The following PANK3 variants were observed in gnomAD, a reference collection of about 807,000 sequenced individuals.
PANK3 encodes the protein pantothenate kinase 3.
In PANK3, 20 loss-of-function variants were observed where a neutral mutation model predicts 39.4. The ratio of observed to expected loss-of-function variants is 0.51; its 90% CI spans 0.36 to 0.74. PANK3 has a LOEUF of 0.74. PANK3 is among the 30% of genes least tolerant of loss of function. The pLI is 0.00. For synonymous variants in PANK3, 140 were observed against 157.3 expected (o/e 0.89, Z 0.82); for missense variants, 265 against 437.0 (o/e 0.61, Z 3.51).
intron 3 of PANK3, 108 bp from the exon 4 acceptor site, chr5:168,564,173 CTA>C (rs1367794662): frequency 5.1e-6 from 5 of 988,112 alleles, no homozygotes; most frequent in East Asian, 2.8e-5. Context: ...GAAAAAAAAC[CTA>C]TGACTAATGC....
chr5:168,549,448 T>C lies in PANK3; in HGVS notation c.*8123A>G, dbSNP rs1269847803. The C allele has an allele frequency of 1.3e-5, 2 of 152,254 alleles. No individual in the cohort carries two copies. The highest frequency in any genetic ancestry group is 4.8e-5 in the African/African-American group (2 of 41,462). 9.4% of individuals were successfully genotyped at this position (152,254 alleles called of 1,614,324 possible). Reference sequence around the variant, plus strand: ...AAATAACACAAATATGGAAATGTTTTCTTGGAAAGCTGTTGGAACTGTAAG... The same window carrying C: ...AAATAACACAAATATGGAAATGTTTCCTTGGAAAGCTGTTGGAACTGTAAG... On this transcript the variant is annotated 3_prime_UTR_variant, in exon 7 of 7. Coordinates refer to ENST00000239231, the MANE Select transcript of PANK3 (RefSeq NM_024594.4).
chr5:168,573,713 T>G (rs1333812037), intron 1 of PANK3, among the ~76,000 whole-genome samples: 2 of 120,354 alleles, frequency 1.7e-5, no homozygotes, highest in Non-Finnish European at 3.2e-5. Flanking sequence ...TTCCCCTTCC[T>G]GTGTCCATGT....
chr5:168,571,824 G>A (rs1211778086), intron 1 of PANK3, among the ~76,000 whole-genome samples: 1 of 152,048 alleles, frequency 6.6e-6, no homozygotes. Context: ...GAAATAGCTC[G>A]TTCGTCTTTA....
At chr5:168,578,209 T>C (rs963203735) in intron 1 of PANK3, among the ~76,000 whole-genome samples, 1 of 152,248 alleles carries the variant, frequency 6.6e-6, no homozygotes, top group African/African-American at 2.4e-5. Context: ...TTTCCTCACC[T>C]GTGAAGTTAA....
rs1343960246 is a variant in PANK3, at chr5:168,559,101, C to A, written c.993G>T (p.Met331Ile). The A allele has an allele frequency of 6.2e-7, 1 of 1,607,206 alleles. No homozygotes were observed. Among genetic ancestry groups the A allele is most frequent in the Non-Finnish European group, 8.5e-7 (1 of 1,174,904 alleles). ...GNFLRVNTLS[M>I]KLLAYALDYW... is the part of the protein sequence containing the mutation. ...AATCCAGTGCATATGCCAAAAGTTT[C>A]ATTGAGAGGGTATTGACACGTAAAA... Residue 331 changes from methionine to isoleucine, a missense_variant, in exon 6 of 7, where the codon ATG becomes ATT. By Grantham distance (10) the Met-to-Ile change is conservative (BLOSUM62 1). Transcript: ENST00000239231.
At chr5:168,573,746 CTA>C (rs1352604393) in intron 1 of PANK3, among the ~76,000 whole-genome samples, 21 of 146,572 alleles carry the variant, frequency 1.4e-4, no homozygotes, top group Non-Finnish European at 1.5e-5. Flanking sequence ...CAATTCCCAC[CTA>C]TGAGTGAGAA....
rs1295092877 is a variant in PANK3 at position 168,553,850 on chromosome 5, CCA to C, written c.*3719_*3720del. The C allele has an allele frequency of 6.6e-6, 1 of 152,358 alleles. No homozygotes were observed. Among genetic ancestry groups the C allele is most frequent in the Non-Finnish European group, 1.5e-5 (1 of 68,188 alleles). The allele number at this position is 152,358 out of a possible 1,614,324, so 9.4% of individuals were successfully genotyped here. The stretch of plus-strand genomic sequence containing the variant: ...ACAGCATCTCTGCATTCTTGCTTTA[CCA>C]CATTTATCTCAGGCCCAAACTTAGT... On this transcript the variant is annotated 3_prime_UTR_variant, in exon 7 of 7. Transcript: ENST00000239231.
chr5:168,574,336 A>G (rs995378118), intron 1 of PANK3, among the ~76,000 whole-genome samples: 1 of 151,854 alleles, frequency 6.6e-6, no homozygotes, highest in African/African-American at 2.4e-5. Context: ...GTGTCTGTTC[A>G]TGTCCTTCGC....
At chr5:168,559,694 G>C (rs748685583) in intron 5 of PANK3, among the ~76,000 whole-genome samples, 15 of 151,572 alleles carry the variant, frequency 9.9e-5, no homozygotes, top group Non-Finnish European at 1.6e-4. Flanking sequence ...TTACTGATGT[G>C]ATTAAAAAAA....
rs900929248 is a variant in PANK3, at chr5:168,551,785, A to C, written c.*5786T>G. 1 of 152,222 alleles carries C rather than the reference A, an allele frequency of 6.6e-6. No individual in the cohort carries two copies. The highest frequency in any genetic ancestry group is 1.5e-5 in the Non-Finnish European group (1 of 68,054). 9.4% of individuals were successfully genotyped at this position (152,222 alleles called of 1,614,324 possible). ...TCAAAGGTAAAAGAAAAAAAACCTCAGAAATTTTTATAGAGTCTAATATTT... is the reference window on the plus strand; with the variant it reads ...TCAAAGGTAAAAGAAAAAAAACCTCCGAAATTTTTATAGAGTCTAATATTT... On this transcript the variant is annotated 3_prime_UTR_variant, in exon 7 of 7. Coordinates refer to ENST00000239231, the MANE Select transcript of PANK3 (RefSeq NM_024594.4).
chr5:168,567,049 A>G (rs184433779), intron 2 of PANK3, among the ~76,000 whole-genome samples: 2 of 152,348 alleles, frequency 1.3e-5, no homozygotes, highest in East Asian at 3.9e-4. Context: ...CAACCCACGT[A>G]GTTTTAAATA....
At chr5:168,559,835 C>G (rs1179463783) in intron 5 of PANK3, among the ~76,000 whole-genome samples, 3 of 152,136 alleles carry the variant, frequency 2.0e-5, no homozygotes, top group Non-Finnish European at 4.4e-5. Context: ...GTAATACTGA[C>G]TGGGGTACTG....
intron 1 of PANK3, among the ~76,000 whole-genome samples, chr5:168,577,168 C>T (rs1458420332): frequency 2.6e-5 from 4 of 152,102 alleles, no homozygotes; most frequent in Non-Finnish European, 5.9e-5. Flanking sequence ...TGTAAACCAC[C>T]GTGTCCAGCC....
At position 168,579,338 on chromosome 5, in the gene PANK3, G is replaced by C; in HGVS notation, c.-55C>G. The C allele has an allele frequency of 7.1e-7, 1 of 1,399,714 alleles. No individual in the cohort carries two copies. Among genetic ancestry groups the C allele is most frequent in the Non-Finnish European group, 9.4e-7 (1 of 1,066,700 alleles). 86.7% of individuals were successfully genotyped at this position (1,399,714 alleles called of 1,614,324 possible). On this transcript the variant is annotated 5_prime_UTR_variant, in exon 1 of 7. Transcript: ENST00000239231. ...TCCGATCCGGGGCACTGAGAGCAGAGGCGGCGACTCCGGAGGTGGCTGGGC... is the reference window on the plus strand; with the variant it reads ...TCCGATCCGGGGCACTGAGAGCAGACGCGGCGACTCCGGAGGTGGCTGGGC...
At chr5:168,565,966 T>C (rs1279819969) in intron 3 of PANK3, 47 bp downstream of exon 3, 4 of 1,545,596 alleles carry the variant, frequency 2.6e-6, no homozygotes, top group Non-Finnish European at 3.5e-6. Context: ...ATAACTTCTG[T>C]GTATAAAACA....
rs1759247606 is a variant in PANK3 at position 168,549,749 on chromosome 5, C to T, written c.*7822G>A. On this transcript the variant is annotated 3_prime_UTR_variant, in exon 7 of 7. Coordinates refer to ENST00000239231, the MANE Select transcript of PANK3 (RefSeq NM_024594.4). ...TCCCAGTATCAGCTCATAGTACATT[C>T]ATTCGTTCATTCATTCATTCATTCA... 1 of 152,160 alleles carries T rather than the reference C, an allele frequency of 6.6e-6. No individual in the cohort carries two copies. The highest frequency in any genetic ancestry group is 6.5e-5 in the Admixed American group (1 of 15,276). 9.4% of individuals were successfully genotyped at this position (152,160 alleles called of 1,614,324 possible).
intron 4 of PANK3, among the ~76,000 whole-genome samples, chr5:168,562,874 G>A (rs1201286102): frequency 1.3e-5 from 2 of 152,122 alleles, no homozygotes; most frequent in Non-Finnish European, 2.9e-5. Flanking sequence ...CCCTTCTAGA[G>A]ATTAAAACAT....
At chr5:168,578,680 CTT>C (rs1294706010) in intron 1 of PANK3, 2 of 152,184 alleles carry the variant, frequency 1.3e-5, no homozygotes, top group Non-Finnish European at 2.9e-5. Flanking sequence ...ATACGGGTGA[CTT>C]TATCTTTCTT....
At chr5:168,566,649 C>G (rs754628305) in intron 2 of PANK3, among the ~76,000 whole-genome samples, 1 of 152,204 alleles carries the variant, frequency 6.6e-6, no homozygotes, top group Non-Finnish European at 1.5e-5. Context: ...TTATAATTAT[C>G]TGAGGCTAGA....
Sources: gnomAD v4.1 joint callset for allele counts (sites outside exome capture counted in the v4.1 genomes callset) on GRCh38, gnomAD v4.1.1 for gene constraint, MANE v1.5 for transcripts, NCBI Gene and HGNC (gene_info 2026-07-23, HGNC 2026-07-21) for gene names.